The following RNF38 variants were observed in gnomAD, a reference collection of about 807,000 sequenced individuals.
RNF38 encodes ring finger protein 38.
RNF38 carries 15 observed loss-of-function variants against 67.2 expected under a neutral mutation model. The ratio of observed to expected loss-of-function variants is 0.22; its 90% CI spans 0.15 to 0.34. RNF38 has a LOEUF of 0.34. RNF38 is among the 10% of genes least tolerant of loss of function. The probability of loss-of-function intolerance (pLI) is 1.00; values close to 1 mark genes in which losing one functional copy is unlikely to be tolerated. For synonymous variants in RNF38, 220 were observed against 218.8 expected, an observed-to-expected ratio of 1.01 and a Z score of -0.05; for missense variants, 524 against 639.9, an observed-to-expected ratio of 0.82 and a Z score of 1.95.
exon 1 of RNF38, chr9:36,487,415 G>A (rs1840444226): frequency 4.1e-6 from 4 of 981,438 alleles, no homozygotes; most frequent in Admixed American, 6.3e-5. Flanking sequence ...CGGCCGGGGC[G>A]GCGGCGGTGG....
intron 4 of RNF38, among the ~76,000 whole-genome samples, chr9:36,361,464 G>A (rs931574865): frequency 6.6e-6 from 1 of 151,962 alleles, no homozygotes; most frequent in East Asian, 1.9e-4. Flanking sequence ...CGTCTGGCCA[G>A]ATTGTATAGC....
chr9:36,465,013 A>G (rs945590334), intron 1 of RNF38, among the ~76,000 whole-genome samples: 5 of 152,338 alleles, frequency 3.3e-5, no homozygotes, highest in African/African-American at 1.2e-4. Flanking sequence ...GATACTTAAC[A>G]TCATTAGCCA....
chr9:36,446,375 A>G (rs1002487220), intron 1 of RNF38, among the ~76,000 whole-genome samples: 1 of 152,260 alleles, frequency 6.6e-6, no homozygotes, highest in Non-Finnish European at 1.5e-5. Flanking sequence ...TCAGTACAAC[A>G]GTTTACATGA....
chr9:36,400,339 A>G (rs924954062), upstream of RNF38: 5 of 1,247,536 alleles, frequency 4.0e-6, 1 homozygote, highest in African/African-American at 1.5e-5. Flanking sequence ...CGTCTCGGCA[A>G]AAAGGGAGGG....
At chr9:36,374,385 A>G (rs1322654178) in intron 3 of RNF38, among the ~76,000 whole-genome samples, 2 of 152,234 alleles carry the variant, frequency 1.3e-5, no homozygotes, top group African/African-American at 2.4e-5. Flanking sequence ...AAATCAAGGT[A>G]CCAACATAGT....
intron 2 of RNF38, among the ~76,000 whole-genome samples, chr9:36,418,048 A>AT (rs35596314): frequency 0.2 from 28,320 of 141,322 alleles, 3,080 homozygotes; most frequent in Middle Eastern, 0.28. Context: ...TCAATATGTG[A>AT]TTTTTTTTTT....
intron 2 of RNF38, among the ~76,000 whole-genome samples, chr9:36,386,508 A>C (rs1836648647): frequency 6.6e-6 from 1 of 152,190 alleles, no homozygotes; most frequent in African/African-American, 2.4e-5. Flanking sequence ...AATTTGTTAG[A>C]GGCGTTTGAA....
At chr9:36,385,189 C>A (rs1045489633) in intron 2 of RNF38, among the ~76,000 whole-genome samples, 5 of 151,950 alleles carry the variant, frequency 3.3e-5, no homozygotes, top group South Asian at 4.1e-4. Context: ...TCTTATTCTA[C>A]ACAAGAACAA....
intron 1 of RNF38, among the ~76,000 whole-genome samples, chr9:36,391,100 G>A (rs984042758): frequency 6.6e-6 from 1 of 152,102 alleles, no homozygotes; most frequent in Non-Finnish European, 1.5e-5. Context: ...ATTTTCTATA[G>A]CAAACATATG....
rs58913703 is a variant in RNF38 at position 36,393,477 on chromosome 9, T to TTGTGTGTGTGTGTG, written c.13-2875_13-2862dup. Among the ~76,000 whole-genome samples, 814 of 87,684 alleles carry TTGTGTGTGTGTGTG rather than the reference T, an allele frequency of 9.3e-3. 9 individuals carry two copies. Among genetic ancestry groups the TTGTGTGTGTGTGTG allele is most frequent in the Non-Finnish European group, 0.011 (438 of 39,590 alleles). The allele number at this position is 87,684 out of a possible 152,430, so 57.5% of individuals were successfully genotyped here. A position where few individuals can be genotyped will look rare whatever the true frequency, so the allele number is the denominator to read the frequency against. On this transcript the variant is annotated intron_variant, in intron 1 of 11. Transcript: ENST00000259605. ...GGTAAAATAAAATCACACACACACA[T>TTGTGTGTGTGTGTG]TGTGTGTGTGTGTGTGTGTGTGTGT...
At chr9:36,347,968 C>T (rs899809315) in intron 9 of RNF38, among the ~76,000 whole-genome samples, 4 of 151,984 alleles carry the variant, frequency 2.6e-5, no homozygotes, top group African/African-American at 9.7e-5. Flanking sequence ...CCTACCTACT[C>T]GGGAGGCTGA....
At chr9:36,474,719 AAAT>A (rs1439155913) in intron 1 of RNF38, among the ~76,000 whole-genome samples, 1 of 148,578 alleles carries the variant, frequency 6.7e-6, no homozygotes, top group Non-Finnish European at 1.5e-5. Context: ...ATAGAACCTT[AAAT>A]AATAAGCACA....
intron 2 of RNF38, among the ~76,000 whole-genome samples, chr9:36,389,036 G>T: frequency 6.6e-6 from 1 of 151,892 alleles, no homozygotes; most frequent in Non-Finnish European, 1.5e-5. Flanking sequence ...GCTTCATGTC[G>T]AACAGTGGTA....
At chr9:36,472,229 G>A (rs1268180396) in intron 1 of RNF38, among the ~76,000 whole-genome samples, 2 of 152,226 alleles carry the variant, frequency 1.3e-5, no homozygotes, top group Non-Finnish European at 2.9e-5. Context: ...AGAACAGTGA[G>A]TGTGTAGAAA....
chr9:36,353,455 CTT>C, intron 6 of RNF38, 124 bp from the exon 7 acceptor site: 7 of 551,664 alleles, frequency 1.3e-5, no homozygotes, highest in Non-Finnish European at 2.0e-5. Context: ...CCATGCATCT[CTT>C]GATATTCACA....
In RNF38 at chr9:36,347,213, T is replaced by C. The variant is rs551200672; in HGVS notation, c.1264-2260A>G. ...AATTTAGATAAAATTTATGATATCATTGATAATGATCTTTTATATCTCTTA... is the reference window on the plus strand; with the variant it reads ...AATTTAGATAAAATTTATGATATCACTGATAATGATCTTTTATATCTCTTA... On this transcript the variant is annotated intron_variant, in intron 9 of 11. Transcript: ENST00000259605. 4.0e-5 allele frequency among the ~76,000 whole-genome samples: 6 copies of C among 151,376 alleles called. No individual in the cohort carries two copies. In the East Asian group the frequency reaches 1.2e-3, roughly 29 times the overall value.
chr9:36,386,180 A>C (rs1244976593), intron 2 of RNF38, among the ~76,000 whole-genome samples: 1 of 152,204 alleles, frequency 6.6e-6, no homozygotes, highest in Non-Finnish European at 1.5e-5. Context: ...CACCAACCTA[A>C]TACCAACACA....
At chr9:36,472,198 C>T (rs1840014024) in intron 1 of RNF38, among the ~76,000 whole-genome samples, 2 of 152,098 alleles carry the variant, frequency 1.3e-5, no homozygotes, top group South Asian at 4.1e-4. Context: ...TGGTCTAAAC[C>T]TAAGGTTATT....
rs539862659 is a variant in RNF38, at chr9:36,446,705, C to T, written n.242-22022G>A. Among the ~76,000 whole-genome samples the T allele has an allele frequency of 4.1e-5, 6 of 148,138 alleles. 1 individual carries two copies. The South Asian group carries it at 6.4e-4, about 16-fold the overall frequency. On this transcript the variant is annotated intron_variant and non_coding_transcript_variant, in intron 1 of 3. Transcript: ENST00000488058. Reference sequence around the variant, plus strand: ...CGCCTGTAATCCCAGCTACACGGGACGCTGAGGCAGAAGAATCACTTGAAC... The same window carrying T: ...CGCCTGTAATCCCAGCTACACGGGATGCTGAGGCAGAAGAATCACTTGAAC...
Sources: allele counts gnomAD v4.1 joint callset (sites outside exome capture counted in the v4.1 genomes callset), GRCh38; gene constraint gnomAD v4.1.1; transcripts MANE v1.5; gene names NCBI Gene and HGNC (gene_info 2026-07-23, HGNC 2026-07-21).